The following TM9SF3 variants were observed in gnomAD, a reference collection of about 807,000 sequenced individuals.
TM9SF3 encodes the protein transmembrane 9 superfamily member 3, also known as SM-11044-binding protein.
In TM9SF3, 14 loss-of-function variants were observed where a neutral mutation model predicts 78.6. The ratio of observed to expected loss-of-function variants is 0.18; its 90% CI spans 0.12 to 0.28. The LOEUF is 0.28. TM9SF3 is among the 10% of genes least tolerant of loss of function. The pLI, the probability that TM9SF3 is intolerant of heterozygous loss-of-function variation, is 1.00. For missense variants in TM9SF3, 496 were observed against 721.9 expected (o/e 0.69, Z 3.59); for synonymous variants, 231 against 241.7 (o/e 0.96, Z 0.41).
chr10:96,533,132 A>G lies in TM9SF3; in HGVS notation c.1244T>C (p.Ile415Thr). The G allele has an allele frequency of 6.2e-7, 1 of 1,614,168 alleles. No individual in the cohort carries two copies. Among genetic ancestry groups the G allele is most frequent in the South Asian group, 1.1e-5 (1 of 91,084 alleles). Residue 415 changes from isoleucine (I) to threonine (T), a missense_variant, in exon 10 of 15, where the codon ATA (isoleucine) becomes ACA (threonine). By Grantham distance (89) the Ile-to-Thr change is moderately conservative (BLOSUM62 -1). Transcript: ENST00000371142. ...CTGACCTGACAGATTTCGGCCAAGT[A>G]TTGTACCAACAAGATTTAGAGGAAG... ...VILPLNLVGTILGRNLSGQPN... is the reference protein window; with the variant it reads ...VILPLNLVGTTLGRNLSGQPN...
chr10:96,584,726 G>A (rs1046037919), intron 1 of TM9SF3, among the ~76,000 whole-genome samples: 4 of 152,182 alleles, frequency 2.6e-5, no homozygotes, highest in Admixed American at 2.0e-4. Context: ...CACGAGAATC[G>A]CTTGAGCCCG....
At chr10:96,543,233 A>G (rs1189488619) in intron 9 of TM9SF3, among the ~76,000 whole-genome samples, 2 of 152,306 alleles carry the variant, frequency 1.3e-5, no homozygotes, top group East Asian at 3.9e-4. Context: ...TAGTTTTAAT[A>G]TATTTAAATA....
In TM9SF3 at chr10:96,545,891, A is replaced by AAATC. The variant is rs10602624; in HGVS notation, c.1055-1689_1055-1686dup. ...GAGACAAGAGCGAAACTCCATCTCA[A>AAATC]AATCAATCAATCAATCAATCAATCA... is the stretch of plus-strand genomic sequence containing the variant. On this transcript the variant is annotated intron_variant, in intron 8 of 14. Coordinates refer to ENST00000371142, the MANE Select transcript of TM9SF3 (RefSeq NM_020123.4). Among the ~76,000 whole-genome samples the AAATC allele has an allele frequency of 7.3e-3, 1,109 of 150,946 alleles. 12 individuals are homozygous for AAATC. Among genetic ancestry groups the AAATC allele is most frequent in the African/African-American group, 0.025 (1,015 of 41,126 alleles).
chr10:96,586,770 C>A lies in TM9SF3; in HGVS notation c.66G>T (p.Leu22=). 7.8e-7 allele frequency: 1 copy of A among 1,286,296 alleles called. No individual in the cohort carries two copies. Among genetic ancestry groups the A allele is most frequent in the Admixed American group, 3.4e-5 (1 of 29,584 alleles). 79.7% of individuals were successfully genotyped at this position (1,286,296 alleles called of 1,614,324 possible). A position where few individuals can be genotyped will look rare whatever the true frequency, so the allele number is the denominator to read the frequency against. The part of the protein sequence containing the change: ...AAAALWLLLL[L]LPRTRADEHE... Reference sequence around the variant, plus strand: ...GCTCGTCCGCCCGGGTCCGGGGCAGCAGCAGCAGCAGCAGCCACAGCGCGG... The same window carrying A: ...GCTCGTCCGCCCGGGTCCGGGGCAGAAGCAGCAGCAGCAGCCACAGCGCGG... The change falls in exon 1 of 15, where the codon CTG becomes CTT. Residue 22 remains leucine, a synonymous_variant. Coordinates refer to ENST00000371142, the MANE Select transcript of TM9SF3 (RefSeq NM_020123.4).
intron 4 of TM9SF3, chr10:96,560,700 G>GA: frequency 1.7e-6 from 1 of 579,684 alleles, no homozygotes; most frequent in Non-Finnish European, 3.3e-6. Flanking sequence ...TTTTGATGAG[G>GA]AAACTAAAGA....
chr10:96,546,760 T>C (rs529499072), intron 8 of TM9SF3, among the ~76,000 whole-genome samples: 7 of 152,204 alleles, frequency 4.6e-5, no homozygotes, highest in Non-Finnish European at 8.8e-5. Context: ...TAAACCAAGA[T>C]ATAATCCTAC....
intron 2 of TM9SF3, among the ~76,000 whole-genome samples, chr10:96,566,585 G>A (rs1848373883): frequency 6.6e-6 from 1 of 152,162 alleles, no homozygotes; most frequent in South Asian, 2.1e-4. Context: ...CAAAGTATGG[G>A]AAGAAAATTA....
intron 12 of TM9SF3, 155 bp from the exon 13 acceptor site, chr10:96,527,651 C>G: frequency 1.7e-6 from 1 of 593,834 alleles, no homozygotes; most frequent in Non-Finnish European, 2.9e-6. Flanking sequence ...AATTTATCAA[C>G]AAGGAAAACA....
chr10:96,586,861 C>A lies in TM9SF3; in HGVS notation c.-26G>T. On this transcript the variant is annotated 5_prime_UTR_variant, in exon 1 of 15. Transcript: ENST00000371142. Reference sequence around the variant, plus strand: ...CCTCCGCGCCCCTCCGGCCCGGAGCCGGCTCACCGACTCCTCCTCCCGCCG... The same window carrying A: ...CCTCCGCGCCCCTCCGGCCCGGAGCAGGCTCACCGACTCCTCCTCCCGCCG... 1 of 1,195,494 alleles carries A rather than the reference C, an allele frequency of 8.4e-7. No individual in the cohort carries two copies. Among genetic ancestry groups the A allele is most frequent in the Admixed American group, 4.7e-5 (1 of 21,392 alleles). 74.1% of individuals were successfully genotyped at this position (1,195,494 alleles called of 1,614,324 possible).
At chr10:96,576,159 G>A (rs1392172609) in intron 2 of TM9SF3, among the ~76,000 whole-genome samples, 4 of 152,124 alleles carry the variant, frequency 2.6e-5, no homozygotes, top group Non-Finnish European at 5.9e-5. Flanking sequence ...CAGACCTCCA[G>A]AAATTACTTT....
chr10:96,586,528 C>A (rs1279173290), intron 1 of TM9SF3, among the ~76,000 whole-genome samples: 1 of 151,658 alleles, frequency 6.6e-6, no homozygotes, highest in Non-Finnish European at 1.5e-5. Flanking sequence ...CCCTGTCACT[C>A]GGGAGCGGAG....
At chr10:96,583,565 G>A (rs1848598045) in intron 1 of TM9SF3, among the ~76,000 whole-genome samples, 1 of 152,190 alleles carries the variant, frequency 6.6e-6, no homozygotes, top group Non-Finnish European at 1.5e-5. Flanking sequence ...TCACAGTGCA[G>A]AAGACTATCA....
intron 2 of TM9SF3, among the ~76,000 whole-genome samples, chr10:96,574,605 T>C (rs561341744): frequency 6.6e-6 from 1 of 152,304 alleles, no homozygotes; most frequent in South Asian, 2.1e-4. Flanking sequence ...ATCATTCTAC[T>C]ATAAAGATAC....
At chr10:96,582,003 C>T (rs575743529) in intron 1 of TM9SF3, among the ~76,000 whole-genome samples, 62 of 152,286 alleles carry the variant, frequency 4.1e-4, no homozygotes, top group African/African-American at 1.5e-3. Flanking sequence ...TGCTTCCACA[C>T]TGCATATCCT....
chr10:96,568,103 A>G (rs1391625057), intron 2 of TM9SF3, among the ~76,000 whole-genome samples: 1 of 152,240 alleles, frequency 6.6e-6, no homozygotes, highest in Non-Finnish European at 1.5e-5. Flanking sequence ...TTGGTTGGTC[A>G]TATCTTAATG....
intron 1 of TM9SF3, among the ~76,000 whole-genome samples, chr10:96,578,152 T>C (rs1589464656): frequency 6.6e-6 from 1 of 152,194 alleles, no homozygotes; most frequent in East Asian, 1.9e-4. Flanking sequence ...CCCTAAGACT[T>C]AGACCCAGTC....
At chr10:96,580,146 G>A (rs993921849) in intron 1 of TM9SF3, among the ~76,000 whole-genome samples, 6 of 152,176 alleles carry the variant, frequency 3.9e-5, no homozygotes, top group African/African-American at 1.4e-4. Flanking sequence ...TCAGGCTACC[G>A]GCATTCTTCA....
At chr10:96,579,080 A>G (rs898044432) in intron 1 of TM9SF3, among the ~76,000 whole-genome samples, 7 of 152,242 alleles carry the variant, frequency 4.6e-5, no homozygotes, top group African/African-American at 1.7e-4. Context: ...TCAGTCTCAC[A>G]AGAAGAACCT....
At chr10:96,545,513 T>C (rs578126884) in intron 8 of TM9SF3, among the ~76,000 whole-genome samples, 1 of 152,304 alleles carries the variant, frequency 6.6e-6, no homozygotes, top group African/African-American at 2.4e-5. Flanking sequence ...TTAATTAAAG[T>C]ATTACTTCTA....
Sources: gnomAD v4.1 joint callset for allele counts (sites outside exome capture counted in the v4.1 genomes callset) on GRCh38, gnomAD v4.1.1 for gene constraint, MANE v1.5 for transcripts, NCBI Gene and HGNC (gene_info 2026-07-23, HGNC 2026-07-21) for gene names.